The following SLC35F3 variants were observed in gnomAD, a reference collection of about 807,000 sequenced individuals.
SLC35F3 encodes the protein putative thiamine transporter SLC35F3.
SLC35F3 carries 25 observed loss-of-function variants against 49.9 expected under a neutral mutation model. The observed-to-expected ratio is 0.50, with a 90% CI of 0.37 to 0.70. The LOEUF (loss-of-function observed/expected upper bound fraction) is 0.70, where lower values mean the gene tolerates loss of function less well. Ranked by LOEUF, SLC35F3 falls within the 30% of genes least tolerant of loss-of-function variation. The pLI, the probability that SLC35F3 is intolerant of heterozygous loss-of-function variation, is 0.00. For synonymous variants in SLC35F3, 275 were observed against 265.4 expected (o/e 1.04, Z -0.35); for missense variants, 525 against 639.8 (o/e 0.82, Z 1.94).
intron 2 of SLC35F3, among the ~76,000 whole-genome samples, chr1:233,913,957 T>C (rs187115668): frequency 6.4e-4 from 98 of 152,334 alleles, no homozygotes; most frequent in African/African-American, 2.2e-3. Context: ...ATATGTGTTC[T>C]ACAGGCAAGG....
At chr1:234,201,990 C>CATCA (rs1018470551) in intron 2 of SLC35F3, among the ~76,000 whole-genome samples, 3 of 150,294 alleles carry the variant, frequency 2.0e-5, no homozygotes, top group Non-Finnish European at 4.4e-5. Flanking sequence ...CCTAAATGCC[C>CATCA]ATCAATGCTA....
intron 3 of SLC35F3, among the ~76,000 whole-genome samples, chr1:234,273,005 G>C (rs1201635998): frequency 1.3e-5 from 2 of 152,130 alleles, no homozygotes; most frequent in Non-Finnish European, 2.9e-5. Context: ...CTCTCTGGTC[G>C]GCACTCCTCG....
intron 2 of SLC35F3, among the ~76,000 whole-genome samples, chr1:234,144,070 A>T (rs1665959989): frequency 6.7e-6 from 1 of 148,506 alleles, no homozygotes; most frequent in Admixed American, 6.9e-5. Context: ...CTGGTACTCC[A>T]GGGAAAGAGA....
At chr1:234,198,595 G>A (rs550931943) in intron 2 of SLC35F3, among the ~76,000 whole-genome samples, 2 of 120,610 alleles carry the variant, frequency 1.7e-5, no homozygotes, top group East Asian at 2.8e-4. Context: ...GGTATGAAGT[G>A]GTACCTCATT....
At chr1:234,195,465 T>G (rs142269374) in intron 2 of SLC35F3, among the ~76,000 whole-genome samples, 511 of 152,282 alleles carry the variant, frequency 3.4e-3, no homozygotes, top group Middle Eastern at 0.017. Context: ...GCATGTGGGG[T>G]GGATTCCTGC....
intron 2 of SLC35F3, among the ~76,000 whole-genome samples, chr1:233,919,298 A>T (rs1253410813): frequency 7.2e-5 from 11 of 152,150 alleles, no homozygotes; most frequent in Admixed American, 7.2e-4. Flanking sequence ...CTTCAACCAC[A>T]CTTAGTGCCA....
chr1:234,286,794 G>A (rs1668427435), intron 3 of SLC35F3, among the ~76,000 whole-genome samples: 1 of 152,184 alleles, frequency 6.6e-6, no homozygotes, highest in South Asian at 2.1e-4. Flanking sequence ...GATAAAAGGG[G>A]AAACTTCTGT....
chr1:234,006,999 G>A (rs1663640169), intron 2 of SLC35F3, among the ~76,000 whole-genome samples: 1 of 151,974 alleles, frequency 6.6e-6, no homozygotes, highest in South Asian at 2.1e-4. Flanking sequence ...GCCATTTTTT[G>A]TTCTTTGTCA....
chr1:234,138,013 G>A (rs1195279992), intron 2 of SLC35F3, among the ~76,000 whole-genome samples: 3 of 152,104 alleles, frequency 2.0e-5, no homozygotes, highest in African/African-American at 7.2e-5. Flanking sequence ...TAAGAAAGTT[G>A]CCAACAATAT....
chr1:234,124,682 C>T (rs1257242115), intron 2 of SLC35F3, among the ~76,000 whole-genome samples: 1 of 152,104 alleles, frequency 6.6e-6, no homozygotes, highest in Non-Finnish European at 1.5e-5. Context: ...GCCTGAGCAA[C>T]ATAGCAAGAC....
intron 2 of SLC35F3, among the ~76,000 whole-genome samples, chr1:234,000,923 A>G (rs1018871258): frequency 1.3e-5 from 2 of 152,190 alleles, no homozygotes; most frequent in Non-Finnish European, 2.9e-5. Flanking sequence ...GACAGTGACA[A>G]TGACATTCTC....
chr1:234,143,278 C>A, intron 2 of SLC35F3, among the ~76,000 whole-genome samples: 1 of 127,492 alleles, frequency 7.8e-6, no homozygotes, highest in African/African-American at 3.2e-5. Flanking sequence ...TGACTCTTTT[C>A]TTTTCTTTTC....
intron 2 of SLC35F3, among the ~76,000 whole-genome samples, chr1:233,950,166 CACG>C (rs1436321711): frequency 6.6e-6 from 1 of 152,038 alleles, no homozygotes; most frequent in East Asian, 1.9e-4. Flanking sequence ...GTGGGTGGAT[CACG>C]AGGTCAGGAG....
chr1:233,914,528 T>C (rs2102784153), intron 2 of SLC35F3, among the ~76,000 whole-genome samples: 1 of 152,314 alleles, frequency 6.6e-6, no homozygotes, highest in East Asian at 1.9e-4. Flanking sequence ...CAGGCTCCTT[T>C]CTGGATAGGA....
chr1:233,955,450 A>G (rs983293893), intron 2 of SLC35F3, among the ~76,000 whole-genome samples: 1 of 152,152 alleles, frequency 6.6e-6, no homozygotes, highest in African/African-American at 2.4e-5. Context: ...GTCAACCTTG[A>G]TTCATCCTCC....
chr1:234,164,773 G>T (rs549852281), intron 2 of SLC35F3, among the ~76,000 whole-genome samples: 149 of 122,856 alleles, frequency 1.2e-3, no homozygotes, highest in African/African-American at 3.7e-3. Flanking sequence ...GGAGAGTTGT[G>T]TTTAGCCATT....
chr1:234,169,271 A>T (rs1019884392), intron 2 of SLC35F3, among the ~76,000 whole-genome samples: 1 of 152,080 alleles, frequency 6.6e-6, no homozygotes, highest in Admixed American at 6.5e-5. Flanking sequence ...TTCCAGAAAC[A>T]CCCTCACAGA....
At chr1:234,065,875 C>T (rs1264799736) in intron 2 of SLC35F3, among the ~76,000 whole-genome samples, 1 of 152,132 alleles carries the variant, frequency 6.6e-6, no homozygotes, top group African/African-American at 2.4e-5. Flanking sequence ...TAAACTAATA[C>T]AGTAAAAACT....
intron 2 of SLC35F3, among the ~76,000 whole-genome samples, chr1:233,972,587 A>G (rs970387071): frequency 6.6e-6 from 1 of 152,180 alleles, no homozygotes; most frequent in Non-Finnish European, 1.5e-5. Flanking sequence ...GGACCAAACC[A>G]TGCACAGCAT....
Sources: gnomAD v4.1 joint callset for allele counts (sites outside exome capture counted in the v4.1 genomes callset) on GRCh38, gnomAD v4.1.1 for gene constraint, MANE v1.5 for transcripts, NCBI Gene and HGNC (gene_info 2026-07-23, HGNC 2026-07-21) for gene names.